CATSPER4: variants seen among roughly 807,000 people sequenced by gnomAD.
CATSPER4 encodes cation channel sperm associated 4.
A neutral mutation model predicts 54.4 loss-of-function variants in CATSPER4; 46 were observed. The ratio of observed to expected loss-of-function variants is 0.84; its 90% confidence interval spans 0.67 to 1.08. CATSPER4 has a LOEUF of 1.08. CATSPER4 is among the 50% of genes least tolerant of loss of function. The pLI is 0.00. For missense variants in CATSPER4, 574 were observed against 612.8 expected, an observed-to-expected ratio of 0.94 and a Z score of 0.67; for synonymous variants, 230 against 231.9, an observed-to-expected ratio of 0.99 and a Z score of 0.08.
At chr1:26,201,118 C>G in intron 8 of CATSPER4, 77 bp downstream of exon 8, 2 of 1,248,294 alleles carry the variant, frequency 1.6e-6, no homozygotes, top group African/African-American at 1.5e-5. Context: ...TCTGGCCTCA[C>G]GCCCTCACCA....
intron 3 of CATSPER4, among the ~76,000 whole-genome samples, chr1:26,197,455 G>A (rs1449475428): frequency 6.6e-6 from 1 of 152,230 alleles, no homozygotes; most frequent in Non-Finnish European, 1.5e-5. Flanking sequence ...GGTCTTTGCT[G>A]TGTGTCTCTG....
rs1403337106 is a variant in CATSPER4 at position 26,197,737 on chromosome 1, T to C, written c.511T>C (p.Phe171Leu). The stretch of plus-strand genomic sequence containing the variant: ...TATCGTCTTTATCTTGCTCTTGCGG[T>C]TCTTCATTAATGAAATCAATATTCC... ...FIIVFILLLR[F>L]FINEINIPSI... The change falls in exon 4 of 10, where the codon TTC becomes CTC. Residue 171 changes from phenylalanine to leucine, a missense_variant. Phe to Leu is a conservative substitution (Grantham distance 22, BLOSUM62 0). Coordinates refer to ENST00000456354, the MANE Select transcript of CATSPER4 (RefSeq NM_198137.2). 4 of 1,613,836 alleles carry C rather than the reference T, an allele frequency of 2.5e-6. No individual in the cohort carries two copies. Among genetic ancestry groups the C allele is most frequent in the Non-Finnish European group, 3.4e-6 (4 of 1,179,986 alleles).
Position 26,201,356 on chromosome 1 carries a change from T to C in CATSPER4, c.1202T>C (p.Ile401Thr), listed in dbSNP as rs775162393. 4 of 1,613,252 alleles carry C rather than the reference T, an allele frequency of 2.5e-6. No homozygotes were observed. The South Asian group carries it at 4.4e-5, about 18-fold the overall frequency. Residue 401 changes from isoleucine (I) to threonine (T), a missense_variant and splice_region_variant, in exon 9 of 10, where the codon ATT (isoleucine) becomes ACT (threonine). Transcript: ENST00000456354. The part of the protein sequence containing the change: ...YKEIRDELNM[I>T]VEEVRAIRFN... ...GGCACTCACTGCTCCACCCCCAGGA[T>C]TGTGGAGGAGGTGCGCGCAATCCGC...
Position 26,202,511 on chromosome 1 carries a change from T to C in CATSPER4, c.1388T>C (p.Ile463Thr), listed in dbSNP as rs751354813. The C allele has an allele frequency of 2.5e-6, 4 of 1,611,700 alleles. No homozygotes were observed. The highest frequency in any genetic ancestry group is 1.3e-5 in the African/African-American group (1 of 74,850). Reference protein sequence around the residue: ...MEKVHDSSSQILLKKHKSSH With the variant: ...MEKVHDSSSQTLLKKHKSSH ...CAGGTTCATGACTCTAGCTCACAAA[T>C]ACTCCTTAAAAAACACAAGAGCAGC... The change falls in exon 10 of 10, where the codon ATA (isoleucine) becomes ACA (threonine). Residue 463 changes from isoleucine (I) to threonine (T), a missense_variant. Coordinates refer to ENST00000456354, the MANE Select transcript of CATSPER4 (RefSeq NM_198137.2).
chr1:26,190,864 G>A (rs376189937), intron 1 of CATSPER4, 24 bp downstream of exon 1: 3 of 1,579,588 alleles, frequency 1.9e-6, no homozygotes, highest in Non-Finnish European at 2.6e-6. Flanking sequence ...TCGCCCCACA[G>A]TGGCCCCTTC....
chr1:26,196,409 T>C (rs2088939257), intron 3 of CATSPER4, among the ~76,000 whole-genome samples: 1 of 135,178 alleles, frequency 7.4e-6, no homozygotes, highest in Admixed American at 7.4e-5. Flanking sequence ...TTCCTTTTTT[T>C]TTTTTTTTTT....
Position 26,199,986 on chromosome 1 carries a change from G to C in CATSPER4, c.915G>C (p.Val305=). The C allele has an allele frequency of 6.2e-7, 1 of 1,614,046 alleles. No homozygotes were observed. Among genetic ancestry groups the C allele is most frequent in the South Asian group, 1.1e-5 (1 of 91,058 alleles). ...TTGGCATCAACCTGTTCGTCATCGT[G>C]GTGACCACCAACCTGGAGCAAATGA... ...AFIGINLFVI[V]VTTNLEQMMK... is the part of the protein sequence containing the mutation. Residue 305 remains valine (V), a synonymous_variant, in exon 7 of 10, where the codon GTG becomes GTC. Transcript: ENST00000456354.
rs1382399424 is a variant in CATSPER4, at chr1:26,202,474, C to T, written c.1366-15C>T. ...GGGGAGTGGGGGATTAACAAGAAGA[C>T]CTCTTGGTTTGCAGGTTCATGACTC... On this transcript the variant is annotated splice_polypyrimidine_tract_variant and intron_variant, in intron 9 of 9. Coordinates refer to ENST00000456354, the MANE Select transcript of CATSPER4 (RefSeq NM_198137.2). 4 of 1,609,960 alleles carry T rather than the reference C, an allele frequency of 2.5e-6. No individual in the cohort carries two copies. Among genetic ancestry groups the T allele is most frequent in the South Asian group, 1.1e-5 (1 of 90,298 alleles).
chr1:26,193,591 AT>A (rs1204129932), intron 2 of CATSPER4, among the ~76,000 whole-genome samples, 195 bp from the exon 3 acceptor site: 1 of 152,222 alleles, frequency 6.6e-6, no homozygotes, highest in African/African-American at 2.4e-5. Flanking sequence ...ACATGAAGTG[AT>A]GTGTGATAGC....
chr1:26,195,566 T>A (rs1373651711), intron 3 of CATSPER4, among the ~76,000 whole-genome samples: 1 of 151,142 alleles, frequency 6.6e-6, no homozygotes, highest in African/African-American at 2.4e-5. Flanking sequence ...AGTGGCGCGA[T>A]CTCGGCTCAC....
intron 3 of CATSPER4, among the ~76,000 whole-genome samples, chr1:26,196,873 G>C (rs2088944943): frequency 1.3e-5 from 2 of 151,434 alleles, no homozygotes; most frequent in Non-Finnish European, 2.9e-5. Context: ...TGGACAAAGG[G>C]CTTGCAAAAT....
chr1:26,193,988 G>A (rs1424374791), intron 3 of CATSPER4, 100 bp downstream of exon 3: 1 of 745,878 alleles, frequency 1.3e-6, no homozygotes, highest in Non-Finnish European at 2.4e-6. Context: ...GTGTGAGTAT[G>A]TGTGTGTGTG....
Position 26,200,048 on chromosome 1 carries a change from C to G in CATSPER4, c.977C>G (p.Thr326Ser), listed in dbSNP as rs192364229. 3.7e-6 allele frequency: 6 copies of G among 1,613,354 alleles called. No individual in the cohort carries two copies. The highest frequency in any genetic ancestry group is 2.2e-5 in the East Asian group (1 of 44,874). The stretch of plus-strand genomic sequence containing the variant: ...GAGCAGGGACAACAGCAACGAATAA[C>G]CTTTAGTGAGGTGCGTGGGATGGGG... ...AGEQGQQQRI[T>S]FSETGAEEEE... The change falls in exon 7 of 10, where the codon ACC (threonine) becomes AGC (serine). Residue 326 changes from threonine (T) to serine (S), a missense_variant. By Grantham distance (58) the Thr-to-Ser change is moderately conservative. Coordinates refer to ENST00000456354, the MANE Select transcript of CATSPER4 (RefSeq NM_198137.2).
At position 26,197,718 on chromosome 1, in the gene CATSPER4, C is replaced by CT. The variant is rs771682521; in HGVS notation, c.495dup (p.Ile166TyrfsTer9). 2 of 1,613,858 alleles carry CT rather than the reference C, an allele frequency of 1.2e-6. No homozygotes were observed. The highest frequency in any genetic ancestry group is 2.2e-5 in the South Asian group (2 of 91,070). On this transcript the variant is annotated frameshift_variant, in exon 4 of 10. Coordinates refer to ENST00000456354, the MANE Select transcript of CATSPER4 (RefSeq NM_198137.2). LOFTEE classifies it high-confidence loss of function. The stretch of plus-strand genomic sequence containing the variant: ...GGAACATCCTCAACTTCATTATCGT[C>CT]TTTATCTTGCTCTTGCGGTTCTTCA...
In CATSPER4 at chr1:26,190,632, G is replaced by A. The variant is rs2088849536; in HGVS notation, c.5G>A (p.Arg2Lys). The part of the protein sequence containing the change: M[R>K]DNEKAWWQQW... The stretch of plus-strand genomic sequence containing the variant: ...GAAGGAAGAGACTGAGCAAACATGA[G>A]GGATAATGAAAAGGCCTGGTGGCAG... Residue 2 changes from arginine (R) to lysine (K), a missense_variant, in exon 1 of 10, where the codon AGG becomes AAG. Coordinates refer to ENST00000456354, the MANE Select transcript of CATSPER4 (RefSeq NM_198137.2). The A allele has an allele frequency of 6.2e-7, 1 of 1,601,940 alleles. No individual in the cohort carries two copies. The highest frequency in any genetic ancestry group is 8.5e-7 in the Non-Finnish European group (1 of 1,179,622).
chr1:26,199,772 G>T, intron 6 of CATSPER4, 112 bp from the exon 7 acceptor site: 2 of 1,170,628 alleles, frequency 1.7e-6, no homozygotes, highest in South Asian at 2.8e-5. Context: ...CAACAGCAGT[G>T]ACACAGGCAG....
At position 26,199,866 on chromosome 1, in the gene CATSPER4, C is replaced by G; in HGVS notation, c.813-18C>G. The G allele has an allele frequency of 1.2e-6, 2 of 1,613,044 alleles. No individual in the cohort carries two copies. The highest frequency in any genetic ancestry group is 8.5e-7 in the Non-Finnish European group (1 of 1,179,492). On this transcript the variant is annotated intron_variant, in intron 6 of 9. Coordinates refer to ENST00000456354, the MANE Select transcript of CATSPER4 (RefSeq NM_198137.2). Reference sequence around the variant, plus strand: ...GAAGGGCCAGGGAAATGATGGGGCCCCTGCCTGCCATCTGCAGGACAGAGA... The same window carrying G: ...GAAGGGCCAGGGAAATGATGGGGCCGCTGCCTGCCATCTGCAGGACAGAGA...
intron 6 of CATSPER4, among the ~76,000 whole-genome samples, chr1:26,198,709 G>A (rs1337177557): frequency 1.3e-5 from 2 of 152,198 alleles, no homozygotes; most frequent in African/African-American, 4.8e-5. Context: ...CAGCAGGTCT[G>A]CAGTTATGCC....
At chr1:26,198,120 C>A (rs772038788) in intron 5 of CATSPER4, 43 bp downstream of exon 5, 90 of 1,614,082 alleles carry the variant, frequency 5.6e-5, no homozygotes, top group Non-Finnish European at 7.4e-5. Context: ...CTTCCCTGAA[C>A]AGGGCCCTTG....
Sources: gnomAD v4.1 joint callset for allele counts (sites outside exome capture counted in the v4.1 genomes callset) on GRCh38, gnomAD v4.1.1 for gene constraint, MANE v1.5 for transcripts, NCBI Gene and HGNC (gene_info 2026-07-23, HGNC 2026-07-21) for gene names.